CGN: variants seen among roughly 807,000 people sequenced by gnomAD.
CGN encodes the protein cingulin.
CGN carries 121 observed loss-of-function variants against 157.1 expected under a neutral mutation model. That is an observed-to-expected ratio of 0.77 (90% CI 0.66 to 0.90). The LOEUF (loss-of-function observed/expected upper bound fraction) is 0.90. CGN is among the 40% of genes least tolerant of loss of function. The probability of loss-of-function intolerance (pLI) is 0.00; values close to 1 mark genes in which losing one functional copy is unlikely to be tolerated. For synonymous variants in CGN, 535 were observed against 607.5 expected (o/e 0.88, Z 1.76); for missense variants, 1,424 against 1,520.9 (o/e 0.94, Z 1.06).
Position 151,530,016 on chromosome 1 carries a change from C to T in CGN, c.2214C>T (p.Arg738=). The change falls in exon 12 of 21, where the codon CGC becomes CGT. Residue 738 remains arginine, a synonymous_variant. Coordinates refer to ENST00000271636, the MANE Select transcript of CGN (RefSeq NM_020770.3). ...TQEENDEFRR[R]ILGLEQQLKE... Reference sequence around the variant, plus strand: ...AGGAAAATGACGAATTCCGCCGGCGCATCCTGGGTTTGGAGCAGCAGCTGA... The same window carrying T: ...AGGAAAATGACGAATTCCGCCGGCGTATCCTGGGTTTGGAGCAGCAGCTGA... 1 of 1,614,168 alleles carries T rather than the reference C, an allele frequency of 6.2e-7. No homozygotes were observed. The highest frequency in any genetic ancestry group is 1.1e-5 in the South Asian group (1 of 91,082).
Position 151,536,641 on chromosome 1 carries a change from A to G in CGN, c.3307-89A>G, listed in dbSNP as rs1390387293. 34 of 1,399,226 alleles carry G rather than the reference A, an allele frequency of 2.4e-5. No individual in the cohort carries two copies. In the Admixed American group the frequency reaches 5.4e-4, roughly 22 times the overall value. 86.7% of individuals were successfully genotyped at this position (1,399,226 alleles called of 1,614,324 possible). ...CCAAGGCCACATTTTTCCAGCGGCA[A>G]TTATACCTTGTCAAGATTGTTATGG... is the stretch of plus-strand genomic sequence containing the variant. On this transcript the variant is annotated intron_variant, in intron 19 of 20. Transcript: ENST00000271636.
chr1:151,529,272 T>G, intron 10 of CGN, 78 bp from the exon 11 acceptor site: 2 of 1,248,772 alleles, frequency 1.6e-6, no homozygotes, highest in African/African-American at 1.5e-5. Flanking sequence ...TGGCAGTGTA[T>G]GAGAGTTTCA....
At chr1:151,530,381 C>A in intron 12 of CGN, 108 bp from the exon 13 acceptor site, 1 of 1,344,520 alleles carries the variant, frequency 7.4e-7, no homozygotes, top group Non-Finnish European at 1.0e-6. Context: ...TTTCATTGCA[C>A]ATCATTTTCA....
chr1:151,516,721 T>C (rs1271177280), intron 1 of CGN, among the ~76,000 whole-genome samples: 2 of 151,592 alleles, frequency 1.3e-5, no homozygotes, highest in East Asian at 4.0e-4. Context: ...TTTGTATTTT[T>C]AGTAGAGACA....
chr1:151,519,652 A>G (rs942158111), intron 2 of CGN, among the ~76,000 whole-genome samples: 1 of 152,190 alleles, frequency 6.6e-6, no homozygotes, highest in African/African-American at 2.4e-5. Flanking sequence ...CATTGCCACA[A>G]CCATTAACTA....
At chr1:151,527,730 A>G (rs1247763910) in intron 10 of CGN, 1 of 155,676 alleles carries the variant, frequency 6.4e-6, no homozygotes, top group Non-Finnish European at 1.4e-5. Flanking sequence ...AATTAGAACC[A>G]GAACTCCTAT....
chr1:151,524,720 A>G lies in CGN; in HGVS notation c.1448A>G (p.Lys483Arg), dbSNP rs774865251. Residue 483 changes from lysine to arginine, a missense_variant, in exon 8 of 21, where the codon AAA (lysine) becomes AGA (arginine). Lys to Arg is a conservative substitution (Grantham distance 26). This residue lies in a region of CGN where 1,187 missense variants were observed against 1,217.6 expected (regional missense o/e 0.97). Transcript: ENST00000271636. This position sits in a 1 kb window ranked among gnomAD's most constrained non-coding sequence, Gnocchi z 4.4. ...CTTCTGGAAGAGGTCTTGGAGGGGA[A>G]ACAGCGAGTAGAGGAGCAGCTGAGG... ...RELLEEVLEG[K>R]QRVEEQLRLR... 4 of 1,609,308 alleles carry G rather than the reference A, an allele frequency of 2.5e-6. No individual in the cohort carries two copies. Among genetic ancestry groups the G allele is most frequent in the African/African-American group, 1.3e-5 (1 of 74,464 alleles).
chr1:151,519,816 A>C (rs546671777), intron 2 of CGN, among the ~76,000 whole-genome samples: 1 of 152,338 alleles, frequency 6.6e-6, no homozygotes, highest in Non-Finnish European at 1.5e-5. Flanking sequence ...CTTTGAGAGA[A>C]ACGTAAGTCT....
chr1:151,519,183 G>T lies in CGN; in HGVS notation c.664G>T (p.Asp222Tyr), dbSNP rs550262356. 6.2e-7 allele frequency: 1 copy of T among 1,614,072 alleles called. No homozygotes were observed. Among genetic ancestry groups the T allele is most frequent in the Non-Finnish European group, 8.5e-7 (1 of 1,180,044 alleles). Reference protein sequence around the residue: ...SKSLDSRLPRDTFEERERQST... With the variant: ...SKSLDSRLPRYTFEERERQST... ...GAGCCTGGACAGCCGCCTCCCACGG[G>T]ACACCTTTGAGGAACGGGAGCGCCA... Residue 222 changes from aspartate to tyrosine, a missense_variant, in exon 2 of 21, where the codon GAC (aspartate) becomes TAC (tyrosine). Physicochemically the swap from Asp to Tyr is radical, Grantham distance 160 (BLOSUM62 -3). Coordinates refer to ENST00000271636, the MANE Select transcript of CGN (RefSeq NM_020770.3).
At chr1:151,519,794 G>A (rs1664498535) in intron 2 of CGN, among the ~76,000 whole-genome samples, 1 of 152,168 alleles carries the variant, frequency 6.6e-6, no homozygotes, top group South Asian at 2.1e-4. Flanking sequence ...AGTAAGTGAG[G>A]GAGTGACTTT....
chr1:151,528,502 C>T (rs1488863741), intron 10 of CGN, among the ~76,000 whole-genome samples: 3 of 151,886 alleles, frequency 2.0e-5, no homozygotes, highest in African/African-American at 7.3e-5. Flanking sequence ...ACTGCAACCT[C>T]TGCCTTCTGG....
chr1:151,534,276 A>G, intron 15 of CGN, 140 bp downstream of exon 15: 1 of 831,754 alleles, frequency 1.2e-6, no homozygotes, highest in Non-Finnish European at 1.9e-6. Flanking sequence ...ATCAATTGCC[A>G]ATGTTTAGAA....
chr1:151,529,338 G>T lies in CGN; in HGVS notation c.1897-12G>T. On this transcript the variant is annotated splice_polypyrimidine_tract_variant and intron_variant, in intron 10 of 20. Transcript: ENST00000271636. ...CTCTGGGTGCCCCATCACCATTCCCGTTTCCTTCCAGGAGCTGCTCCGGAC... is the reference window on the plus strand; with the variant it reads ...CTCTGGGTGCCCCATCACCATTCCCTTTTCCTTCCAGGAGCTGCTCCGGAC... 1 of 1,611,544 alleles carries T rather than the reference G, an allele frequency of 6.2e-7. No homozygotes were observed. Among genetic ancestry groups the T allele is most frequent in the Non-Finnish European group, 8.5e-7 (1 of 1,178,246 alleles).
At chr1:151,527,838 CG>C in intron 10 of CGN, 11 of 246,332 alleles carry the variant, frequency 4.5e-5, no homozygotes, top group Admixed American at 5.5e-5. Context: ...CACACACACA[CG>C]AAAGACAAGT....
At chr1:151,522,704 G>A (rs1219374494) in intron 5 of CGN, among the ~76,000 whole-genome samples, 2 of 145,638 alleles carry the variant, frequency 1.4e-5, no homozygotes, top group Admixed American at 1.4e-4. Flanking sequence ...ACCTGAGGTC[G>A]GGAGTTTGAG....
chr1:151,518,686 G>A lies in CGN; in HGVS notation c.167G>A (p.Arg56His), dbSNP rs373220207. 50 of 1,614,182 alleles carry A rather than the reference G, an allele frequency of 3.1e-5. No homozygotes were observed. In the Middle Eastern group the frequency reaches 4.9e-4, roughly 16 times the overall value. The change falls in exon 2 of 21, where the codon CGT becomes CAT. Residue 56 changes from arginine to histidine, a missense_variant. By Grantham distance (29) the Arg-to-His change is conservative. Transcript: ENST00000271636. ...GCCAGTACCTACGGGGTTGCTGTGC[G>A]TGTGCAGGGAATCGCTGGGCAGCCC... ...ARASTYGVAV[R>H]VQGIAGQPFV...
At position 151,533,240 on chromosome 1, in the gene CGN, G is replaced by A. The variant is rs1002648419; in HGVS notation, c.2742+668G>A. ...CGCCTGTAATCCCAGCACGTTGGGA[G>A]GCTGAGGCGGGCAGATCATGAGGTC... On this transcript the variant is annotated intron_variant, in intron 14 of 20. Coordinates refer to ENST00000271636, the MANE Select transcript of CGN (RefSeq NM_020770.3). 5.3e-5 allele frequency among the ~76,000 whole-genome samples: 8 copies of A among 152,212 alleles called. No homozygotes were observed. In the South Asian group the frequency reaches 1.2e-3, roughly 24 times the overall value.
At position 151,519,319 on chromosome 1, in the gene CGN, G is replaced by A. The variant is rs745918732; in HGVS notation, c.800G>A (p.Arg267His). The change falls in exon 2 of 21, where the codon CGT becomes CAT. Residue 267 changes from arginine (R) to histidine (H), a missense_variant. Transcript: ENST00000271636. The part of the protein sequence containing the change: ...LSPLSGFSRS[R>H]QTQDWVLQSF... The stretch of plus-strand genomic sequence containing the variant: ...CCTCTCAGTGGCTTTAGCCGTTCTC[G>A]TCAGACTCAGGACTGGGTCCTTCAG... 1.5e-5 allele frequency: 24 copies of A among 1,611,658 alleles called. No individual in the cohort carries two copies. The highest frequency in any genetic ancestry group is 5.0e-5 in the Admixed American group (3 of 59,996).
At position 151,518,857 on chromosome 1, in the gene CGN, C is replaced by A. The variant is rs1664472022; in HGVS notation, c.338C>A (p.Ala113Asp). Residue 113 changes from alanine (A) to aspartate (D), a missense_variant, in exon 2 of 21, where the codon GCC (alanine) becomes GAC (aspartate). By Grantham distance (126) the Ala-to-Asp change is moderately radical. Coordinates refer to ENST00000271636, the MANE Select transcript of CGN (RefSeq NM_020770.3). ...NPYSQVKGFP[A>D]PSQSSTSDEE... ...TACTCTCAGGTCAAGGGATTTCCTG[C>A]CCCCTCGCAGAGCAGCACATCTGAT... The A allele has an allele frequency of 1.2e-6, 2 of 1,613,900 alleles. No individual in the cohort carries two copies. The highest frequency in any genetic ancestry group is 8.5e-7 in the Non-Finnish European group (1 of 1,179,902).
Sources: allele counts gnomAD v4.1 joint callset (sites outside exome capture counted in the v4.1 genomes callset), GRCh38; gene constraint gnomAD v4.1.1; regional missense constraint gnomAD v4.1.1; non-coding constraint Gnocchi (gnomAD v3.1); transcripts MANE v1.5; gene names NCBI Gene and HGNC (gene_info 2026-07-23, HGNC 2026-07-21).